Variants in CHTF18 observed in about 807,000 individuals in gnomAD.
CHTF18 encodes the protein chromosome transmission fidelity factor 18.
In CHTF18, 151 loss-of-function variants were observed where a neutral mutation model predicts 113.4. The observed-to-expected ratio is 1.33, with a 90% confidence interval of 1.17 to 1.52. The LOEUF is 1.52. Among genes scored for constraint, CHTF18 ranks in the 40% most tolerant of loss-of-function variants. CHTF18 has a pLI of 0.00. For missense variants in CHTF18, 1,982 were observed against 1,381.6 expected, an observed-to-expected ratio of 1.43 and a Z score of -6.89; for synonymous variants, 916 against 598.8, an observed-to-expected ratio of 1.53 and a Z score of -7.74.
Position 792,338 on chromosome 16 carries a change from G to A in CHTF18, c.1317G>A (p.Gly439=). 6.4e-7 allele frequency: 1 copy of A among 1,553,920 alleles called. No homozygotes were observed. The highest frequency in any genetic ancestry group is 8.7e-7 in the Non-Finnish European group (1 of 1,149,230). Residue 439 remains glycine, a synonymous_variant, in exon 10 of 22, where the codon GGG becomes GGA. Coordinates refer to ENST00000262315, the MANE Select transcript of CHTF18 (RefSeq NM_022092.3). ...GCCTGGTCATCGATGAGATCGACGG[G>A]GCCCCCGTGGTGGGCTCCTTGATGC... ...PNCLVIDEID[G]APVAAINVLL...
Position 789,600 on chromosome 16 carries a change from G to A in CHTF18, c.491G>A (p.Arg164His), listed in dbSNP as rs61745756. 0.029 allele frequency: 47,279 copies of A among 1,609,264 alleles called. 1,570 individuals are homozygous for A. Among genetic ancestry groups the A allele is most frequent in the African/African-American group, 0.15 (11,537 of 75,038 alleles). The stretch of plus-strand genomic sequence containing the variant: ...CTCACACGGGCCTCACCAGCTGCCC[G>A]CAATCCCGTCCTGAGGCGGCCCCCC... ...VGLTRASPAARNPVLRRPPIL... is the reference protein window; with the variant it reads ...VGLTRASPAAHNPVLRRPPIL... Residue 164 changes from arginine (R) to histidine (H), a missense_variant, in exon 4 of 22, where the codon CGC becomes CAC. Arg to His is a conservative substitution (Grantham distance 29). Coordinates refer to ENST00000262315, the MANE Select transcript of CHTF18 (RefSeq NM_022092.3).
chr16:790,483 T>C (rs758147890), intron 6 of CHTF18, 42 bp from the exon 7 acceptor site: 1 of 1,607,370 alleles, frequency 6.2e-7, no homozygotes, highest in Admixed American at 1.7e-5. Flanking sequence ...GTTGGCATGG[T>C]CCCTGCGAGT....
intron 3 of CHTF18, 83 bp downstream of exon 3, chr16:789,443 TG>T: frequency 7.2e-6 from 11 of 1,534,984 alleles, no homozygotes; most frequent in South Asian, 1.2e-5. Context: ...GGATGAGGCC[TG>T]GGGGGTGGGG....
At chr16:796,315 A>G (rs948033927) in intron 18 of CHTF18, among the ~76,000 whole-genome samples, 11 of 152,276 alleles carry the variant, frequency 7.2e-5, no homozygotes, top group Middle Eastern at 3.4e-3. Context: ...GCACCCCCAC[A>G]TGGAACTGGA....
rs751455698 is a variant in CHTF18, at chr16:788,952, C to T, written c.113C>T (p.Ser38Phe). 29 of 1,562,764 alleles carry T rather than the reference C, an allele frequency of 1.9e-5. No individual in the cohort carries two copies. Among genetic ancestry groups the T allele is most frequent in the Non-Finnish European group, 2.5e-5 (29 of 1,162,570 alleles). The change falls in exon 2 of 22, where the codon TCC becomes TTC. Residue 38 changes from serine (S) to phenylalanine (F), a missense_variant. Transcript: ENST00000262315. ...ELEGASTPSP[S>F]GVPLFTAGRP... ...GCAGGGGCGTCGACTCCGTCGCCCT[C>T]CGGGGTCCCCCTGTTCACCGCGGGC... is the stretch of plus-strand genomic sequence containing the variant.
Position 791,245 on chromosome 16 carries a change from C to T in CHTF18, c.979C>T (p.Pro327Ser). 1.9e-6 allele frequency: 3 copies of T among 1,610,984 alleles called. No individual in the cohort carries two copies. Among genetic ancestry groups the T allele is most frequent in the Non-Finnish European group, 2.5e-6 (3 of 1,179,294 alleles). The change falls in exon 8 of 22, where the codon CCC (proline) becomes TCC (serine). Residue 327 changes from proline to serine, a missense_variant. Pro to Ser is a moderately conservative substitution (Grantham distance 74). Transcript: ENST00000262315. ...CGAGAGGCCTTCCCGGAAGCCCAGG[C>T]CCAGTGTTGAGCCGGCCCGGGTCAG... ...GHERPSRKPR[P>S]SVEPARVSKE... is the part of the protein sequence containing the mutation.
rs777423342 is a variant in CHTF18 at position 789,529 on chromosome 16, G to T, written c.438-18G>T. The T allele has an allele frequency of 1.3e-6, 2 of 1,582,880 alleles. No homozygotes were observed. Among genetic ancestry groups the T allele is most frequent in the South Asian group, 2.2e-5 (2 of 89,150 alleles). ...CCCACGCTTGAGTTTCTGCCACTGA[G>T]CCCCGGTCTCTCTCCAGAGTCTCAG... On this transcript the variant is annotated intron_variant, in intron 3 of 21. Transcript: ENST00000262315.
intron 14 of CHTF18, chr16:793,692 G>A (rs1418147963): frequency 1.6e-6 from 1 of 609,394 alleles, no homozygotes; most frequent in Admixed American, 2.2e-5. Context: ...GACGTGCCAT[G>A]GGACCCCAGG....
chr16:791,619 A>G (rs1162473900), intron 8 of CHTF18: 6 of 1,429,484 alleles, frequency 4.2e-6, no homozygotes, highest in East Asian at 2.5e-5. Flanking sequence ...TCTGGGGGCC[A>G]GTCACACTGG....
rs1289002884 is a variant in CHTF18, at chr16:797,171, C to T, written c.2733+79C>T. ...TGGCTAGGGCAGTCATGAGGCGGGGCCAAGGCACCCATGGGGTGGGGCCAG... is the reference window on the plus strand; with the variant it reads ...TGGCTAGGGCAGTCATGAGGCGGGGTCAAGGCACCCATGGGGTGGGGCCAG... On this transcript the variant is annotated intron_variant, in intron 20 of 21. Transcript: ENST00000262315. 2.9e-5 allele frequency: 41 copies of T among 1,422,600 alleles called. No individual in the cohort carries two copies. The South Asian group carries it at 6.2e-4, about 21-fold the overall frequency. 88.1% of individuals were successfully genotyped at this position (1,422,600 alleles called of 1,614,324 possible).
At chr16:796,681 C>T (rs761732819) in intron 18 of CHTF18, 36 bp from the exon 19 acceptor site, 138 of 1,550,080 alleles carry the variant, frequency 8.9e-5, no homozygotes, top group South Asian at 3.3e-4. Context: ...AGCCTGGCCC[C>T]GCTGACCTGC....
chr16:792,135 C>T (rs2042213780), intron 9 of CHTF18, 89 bp from the exon 10 acceptor site: 2 of 1,525,212 alleles, frequency 1.3e-6, no homozygotes, highest in South Asian at 1.2e-5. Flanking sequence ...ATGTGACGGT[C>T]TCCACGCAAA....
intron 18 of CHTF18, 55 bp from the exon 19 acceptor site, chr16:796,662 C>G: frequency 6.6e-7 from 1 of 1,516,254 alleles, no homozygotes; most frequent in East Asian, 2.4e-5. Flanking sequence ...CGGCGGCTCT[C>G]TGGCCCTGAG....
intron 4 of CHTF18, 179 bp downstream of exon 4, chr16:789,894 G>C: frequency 1.5e-6 from 2 of 1,378,582 alleles, no homozygotes; most frequent in Non-Finnish European, 2.0e-6. Context: ...CCCACAGCAG[G>C]TTGCTGTCCA....
At chr16:794,231 G>A (rs2042278076) in intron 15 of CHTF18, 30 bp downstream of exon 15, 1 of 1,603,066 alleles carries the variant, frequency 6.2e-7, no homozygotes, top group Non-Finnish European at 8.5e-7. Flanking sequence ...ATGCCTGCCT[G>A]GGGCCGCCTG....
chr16:797,647 G>A (rs371324213), intron 20 of CHTF18, 47 bp from the exon 21 acceptor site: 3 of 1,599,714 alleles, frequency 1.9e-6, no homozygotes, highest in Non-Finnish European at 2.6e-6. Context: ...GTAGGGGCTG[G>A]ATGGGGCATC....
intron 14 of CHTF18, 149 bp from the exon 15 acceptor site, chr16:793,905 G>A (rs1167271231): frequency 1.2e-6 from 1 of 857,024 alleles, no homozygotes; most frequent in East Asian, 2.6e-5. Flanking sequence ...GTCTTTGGCT[G>A]TCTCCACCTG....
chr16:791,208 G>A lies in CHTF18; in HGVS notation c.942G>A (p.Val314=), dbSNP rs2042186156. ...LLKWLKLWDL[V]VFGHERPSRK... is the part of the protein sequence containing the mutation. ...AGTGGCTGAAGTTGTGGGACCTGGT[G>A]GTGTTTGGCCACGAGAGGCCTTCCC... The change falls in exon 8 of 22, where the codon GTG becomes GTA. Residue 314 remains valine (V), a synonymous_variant. Transcript: ENST00000262315. 6.2e-7 allele frequency: 1 copy of A among 1,611,714 alleles called. No homozygotes were observed. Among genetic ancestry groups the A allele is most frequent in the Non-Finnish European group, 8.5e-7 (1 of 1,179,578 alleles).
Position 791,154 on chromosome 16 carries a change from C to T in CHTF18, c.895-7C>T, listed in dbSNP as rs746096068. The T allele has an allele frequency of 4.4e-6, 7 of 1,607,458 alleles. No homozygotes were observed. Among genetic ancestry groups the T allele is most frequent in the Admixed American group, 1.7e-5 (1 of 59,350 alleles). ...AGGCTGTGCTTCCCTTCCCGTCCTT[C>T]CCGCAGTTCACCAACCGCTGCCTGC... On this transcript the variant is annotated splice_region_variant and splice_polypyrimidine_tract_variant and intron_variant, in intron 7 of 21. Transcript: ENST00000262315.
Sources: allele counts gnomAD v4.1 joint callset (sites outside exome capture counted in the v4.1 genomes callset), GRCh38; gene constraint gnomAD v4.1.1; transcripts MANE v1.5; gene names NCBI Gene and HGNC (gene_info 2026-07-23, HGNC 2026-07-21).